The following SGCZ variants were observed in gnomAD, a reference collection of about 807,000 sequenced individuals.
SGCZ encodes the protein sarcoglycan zeta.
SGCZ carries 40 observed loss-of-function variants against 41.3 expected under a neutral mutation model. That is an observed-to-expected ratio of 0.97 (90% CI 0.75 to 1.26). SGCZ has a LOEUF of 1.26. SGCZ is among the 50% of genes most tolerant of loss of function. The pLI is 0.00. For synonymous variants in SGCZ, 206 were observed against 137.5 expected (o/e 1.50, Z -3.49); for missense variants, 552 against 369.8 (o/e 1.49, Z -4.04).
chr8:14,673,990 C>T (rs11203661), intron 1 of SGCZ, among the ~76,000 whole-genome samples: 85,206 of 151,950 alleles, frequency 0.56, 25,292 homozygotes, highest in East Asian at 0.76. Flanking sequence ...ATGTGTCACA[C>T]ACTTTTAAAT....
At chr8:14,126,459 T>G (rs992886649) in intron 5 of SGCZ, among the ~76,000 whole-genome samples, 2 of 102,248 alleles carry the variant, frequency 2.0e-5, no homozygotes, top group Non-Finnish European at 3.8e-5. Context: ...ATGGCTATTA[T>G]TAAAAAGTAA....
intron 2 of SGCZ, among the ~76,000 whole-genome samples, chr8:14,341,511 G>C (rs1802705000): frequency 6.6e-6 from 1 of 152,074 alleles, no homozygotes; most frequent in Non-Finnish European, 1.5e-5. Flanking sequence ...GAGCTAGCTA[G>C]GTTTGAAGTG....
At chr8:15,091,159 T>C (rs1187908892) in intron 1 of SGCZ, among the ~76,000 whole-genome samples, 1 of 152,200 alleles carries the variant, frequency 6.6e-6, no homozygotes, top group Non-Finnish European at 1.5e-5. Context: ...GGATAGATGG[T>C]AGATGGTTAT....
intron 3 of SGCZ, among the ~76,000 whole-genome samples, chr8:14,288,642 A>G (rs188528959): frequency 2.0e-5 from 3 of 152,072 alleles, no homozygotes; most frequent in African/African-American, 7.2e-5. Flanking sequence ...GCTTAATAAT[A>G]CTCCATTATA....
intron 2 of SGCZ, among the ~76,000 whole-genome samples, chr8:14,469,748 G>A (rs1377564142): frequency 6.6e-6 from 1 of 151,982 alleles, no homozygotes; most frequent in Non-Finnish European, 1.5e-5. Context: ...ATGGCTGATG[G>A]TTTAATCAAT....
intron 1 of SGCZ, among the ~76,000 whole-genome samples, chr8:15,086,013 A>G (rs1027583586): frequency 2.6e-5 from 4 of 152,204 alleles, no homozygotes; most frequent in Non-Finnish European, 4.4e-5. Flanking sequence ...TGTTATTTTT[A>G]ATTAATAAAC....
intron 1 of SGCZ, among the ~76,000 whole-genome samples, chr8:14,626,658 G>C (rs551793630): frequency 3.9e-5 from 6 of 152,104 alleles, no homozygotes; most frequent in Admixed American, 2.0e-4. Flanking sequence ...GAAGACACAG[G>C]GAAAATATCA....
At chr8:14,420,603 A>C (rs1424330787) in intron 2 of SGCZ, among the ~76,000 whole-genome samples, 1 of 152,034 alleles carries the variant, frequency 6.6e-6, no homozygotes, top group African/African-American at 2.4e-5. Context: ...CGAGCTCTGA[A>C]GTTCTGAGCT....
chr8:14,921,774 A>G (rs1057103417), intron 1 of SGCZ, among the ~76,000 whole-genome samples: 1 of 152,176 alleles, frequency 6.6e-6, no homozygotes, highest in African/African-American at 2.4e-5. Context: ...GTTACAATTT[A>G]GTAAAAGTTC....
intron 2 of SGCZ, among the ~76,000 whole-genome samples, chr8:14,439,494 A>G (rs1022088094): frequency 6.6e-6 from 1 of 151,764 alleles, no homozygotes. Context: ...CAGAAAACAC[A>G]TATCAATATT....
chr8:15,029,745 A>C (rs1011996385), intron 1 of SGCZ, among the ~76,000 whole-genome samples: 1 of 152,124 alleles, frequency 6.6e-6, no homozygotes, highest in Non-Finnish European at 1.5e-5. Context: ...TTTTGATTAT[A>C]CTTTCTCTGT....
intron 1 of SGCZ, among the ~76,000 whole-genome samples, chr8:15,210,958 G>C (rs1257707740): frequency 1.3e-5 from 2 of 151,400 alleles, no homozygotes; most frequent in Non-Finnish European, 2.9e-5. Context: ...TAGAAATCTT[G>C]GATCAATCCA....
chr8:14,325,745 C>CATAT (rs1802078502), intron 2 of SGCZ, among the ~76,000 whole-genome samples: 4 of 25,510 alleles, frequency 1.6e-4, no homozygotes, highest in East Asian at 9.5e-4. Context: ...CACACACACA[C>CATAT]ACATATATAT....
At chr8:14,165,908 C>A (rs913661154) in intron 4 of SGCZ, among the ~76,000 whole-genome samples, 9 of 152,100 alleles carry the variant, frequency 5.9e-5, no homozygotes, top group African/African-American at 1.9e-4. Flanking sequence ...TGGTCCCTAA[C>A]CCCACCTCAG....
At chr8:14,228,844 A>C (rs1312924694) in intron 4 of SGCZ, among the ~76,000 whole-genome samples, 1 of 152,136 alleles carries the variant, frequency 6.6e-6, no homozygotes, top group East Asian at 1.9e-4. Context: ...GAAAAGGAAA[A>C]ATTTCAAAGA....
chr8:14,822,871 T>C (rs1298151558), intron 1 of SGCZ, among the ~76,000 whole-genome samples: 1 of 152,000 alleles, frequency 6.6e-6, no homozygotes, highest in East Asian at 1.9e-4. Flanking sequence ...GTGTGCAACA[T>C]TGTGAAATCC....
intron 1 of SGCZ, among the ~76,000 whole-genome samples, chr8:14,736,928 T>A (rs1799053219): frequency 6.6e-6 from 1 of 151,880 alleles, no homozygotes; most frequent in African/African-American, 2.4e-5. Context: ...TGCACATGCA[T>A]GTTTATAGCA....
intron 1 of SGCZ, among the ~76,000 whole-genome samples, chr8:14,901,025 T>A (rs1032619572): frequency 1.3e-5 from 2 of 152,196 alleles, no homozygotes; most frequent in Non-Finnish European, 2.9e-5. Flanking sequence ...AATACCAAGA[T>A]ATTCTAATAA....
chr8:15,236,009 C>T (rs1802106809), intron 1 of SGCZ, among the ~76,000 whole-genome samples: 2 of 152,310 alleles, frequency 1.3e-5, no homozygotes, highest in South Asian at 2.1e-4. Flanking sequence ...TAAGAGGAAA[C>T]TTCTAGCCCA....
Sources: gnomAD v4.1 joint callset for allele counts (sites outside exome capture counted in the v4.1 genomes callset) on GRCh38, gnomAD v4.1.1 for gene constraint, MANE v1.5 for transcripts, NCBI Gene and HGNC (gene_info 2026-07-23, HGNC 2026-07-21) for gene names.